The following AK4 variants were observed in gnomAD, a reference collection of about 807,000 sequenced individuals.
AK4 encodes the protein adenylate kinase 4.
In AK4, 13 loss-of-function variants were observed where a neutral mutation model predicts 24.6. The ratio of observed to expected loss-of-function variants is 0.53; its 90% CI spans 0.34 to 0.84. AK4 has a LOEUF of 0.84. Ranked by LOEUF, AK4 falls within the 40% of genes least tolerant of loss-of-function variation. The pLI, the probability that AK4 is intolerant of heterozygous loss-of-function variation, is 0.01. For missense variants in AK4, 192 were observed against 288.2 expected, an observed-to-expected ratio of 0.67 and a Z score of 2.42; for synonymous variants, 88 against 107.0, an observed-to-expected ratio of 0.82 and a Z score of 1.10.
At chr1:65,187,398 C>A (rs1651138358) in intron 1 of AK4, among the ~76,000 whole-genome samples, 1 of 145,530 alleles carries the variant, frequency 6.9e-6, no homozygotes. Flanking sequence ...AATCTACAGA[C>A]AGAAAGATTG....
chr1:65,157,844 A>G (rs543915015), intron 1 of AK4, among the ~76,000 whole-genome samples: 14 of 152,258 alleles, frequency 9.2e-5, no homozygotes, highest in Non-Finnish European at 2.1e-4. Context: ...CAGAAGAGGC[A>G]GCTAACCCAG....
chr1:65,176,074 G>A (rs1352937636), intron 1 of AK4, among the ~76,000 whole-genome samples: 3 of 152,122 alleles, frequency 2.0e-5, no homozygotes, highest in African/African-American at 7.2e-5. Context: ...GAAGGTTACT[G>A]TACTGTTTTA....
intron 2 of AK4, among the ~76,000 whole-genome samples, chr1:65,209,015 C>T (rs1248055826): frequency 6.6e-6 from 1 of 152,068 alleles, no homozygotes; most frequent in Non-Finnish European, 1.5e-5. Context: ...AAAAAAACAA[C>T]CTGTAGATGT....
chr1:65,149,419 G>T (rs988359308), intron 1 of AK4, among the ~76,000 whole-genome samples: 1 of 152,156 alleles, frequency 6.6e-6, no homozygotes, highest in African/African-American at 2.4e-5. Flanking sequence ...AAGAATTGGC[G>T]TTAAAAGGCG....
At chr1:65,197,354 A>C (rs1651504741) in intron 2 of AK4, among the ~76,000 whole-genome samples, 1 of 152,212 alleles carries the variant, frequency 6.6e-6, no homozygotes, top group Admixed American at 6.5e-5. Context: ...AACTATCAAA[A>C]TATTTTAAAC....
At chr1:65,218,651 A>G (rs1381018353) in intron 2 of AK4, 103 bp from the exon 3 acceptor site, 4 of 1,146,170 alleles carry the variant, frequency 3.5e-6, no homozygotes, top group Non-Finnish European at 4.7e-6. Context: ...AGCTCCTTTT[A>G]GAATGGTATA....
chr1:65,228,932 A>T lies in AK4; in HGVS notation c.*2755A>T, dbSNP rs1652552324. ...TTAATACCCTCCAACACTAACGCAG[A>T]CTTAAGATAGGTACTGTTTATTGAA... On this transcript the variant is annotated 3_prime_UTR_variant, in exon 5 of 5. Transcript: ENST00000327299. 6.6e-6 allele frequency: 1 copy of T among 152,184 alleles called. No homozygotes were observed. Among genetic ancestry groups the T allele is most frequent in the Admixed American group, 6.6e-5 (1 of 15,266 alleles). 9.4% of individuals were successfully genotyped at this position (152,184 alleles called of 1,614,324 possible). A position where few individuals can be genotyped will look rare whatever the true frequency, so the allele number is the denominator to read the frequency against.
At chr1:65,154,739 G>T (rs1057396904) in intron 1 of AK4, 2 of 265,832 alleles carry the variant, frequency 7.5e-6, no homozygotes, top group South Asian at 4.0e-5. Flanking sequence ...TTCAAACAAA[G>T]AACGCTCTTA....
chr1:65,182,073 G>A (rs1166142653), intron 1 of AK4, among the ~76,000 whole-genome samples: 4 of 152,002 alleles, frequency 2.6e-5, no homozygotes, highest in Non-Finnish European at 2.9e-5. Flanking sequence ...GTGCCACCAC[G>A]CCTGACTAAT....
At chr1:65,176,438 A>G (rs1650717696) in intron 1 of AK4, among the ~76,000 whole-genome samples, 2 of 152,258 alleles carry the variant, frequency 1.3e-5, no homozygotes, top group Admixed American at 6.5e-5. Flanking sequence ...TAGAAAGAAC[A>G]CTAAATGATG....
At chr1:65,150,460 CTT>C in intron 1 of AK4, among the ~76,000 whole-genome samples, 1 of 151,798 alleles carries the variant, frequency 6.6e-6, no homozygotes, top group South Asian at 2.1e-4. Context: ...AAAAAAAAAA[CTT>C]TATCAAAGAA....
intron 2 of AK4, among the ~76,000 whole-genome samples, chr1:65,192,251 A>G (rs1392963020): frequency 6.6e-6 from 1 of 152,224 alleles, no homozygotes; most frequent in Non-Finnish European, 1.5e-5. Flanking sequence ...TTCTTGCTGC[A>G]TCATCCCATG....
chr1:65,158,625 C>T (rs1027739738), intron 1 of AK4, among the ~76,000 whole-genome samples: 7 of 152,224 alleles, frequency 4.6e-5, no homozygotes, highest in Middle Eastern at 3.4e-3. Flanking sequence ...CTCAGCCTCC[C>T]GAGTAGCTGG....
intron 2 of AK4, among the ~76,000 whole-genome samples, chr1:65,204,239 C>T (rs1355245749): frequency 2.7e-5 from 4 of 148,828 alleles, no homozygotes; most frequent in South Asian, 2.1e-4. Context: ...CTCGCTGTGT[C>T]GCCCAGGCTG....
chr1:65,172,062 A>C lies in AK4; in HGVS notation c.146-18648A>C, dbSNP rs1242253234. 1.0e-4 allele frequency among the ~76,000 whole-genome samples: 3 copies of C among 29,912 alleles called. No individual in the cohort carries two copies. The Admixed American group carries it at 1.3e-3, about 13-fold the overall frequency. The allele number at this position is 29,912 out of a possible 152,430, so 19.6% of individuals were successfully genotyped here. On this transcript the variant is annotated intron_variant, in intron 1 of 4. Transcript: ENST00000327299. The stretch of plus-strand genomic sequence containing the variant: ...AGCAACAGAGAGAGACTCCATCTCA[A>C]GTATATATATATATATATATATATA...
Position 65,170,317 on chromosome 1 carries a change from G to A in AK4, c.146-20393G>A, listed in dbSNP as rs554082844. ...CGGGAGACGGAGCTTGCAGTGAGCCGAGATCGCGCCACTGCACCCCAGTCT... is the reference window on the plus strand; with the variant it reads ...CGGGAGACGGAGCTTGCAGTGAGCCAAGATCGCGCCACTGCACCCCAGTCT... On this transcript the variant is annotated intron_variant, in intron 1 of 4. Transcript: ENST00000327299. Among the ~76,000 whole-genome samples the A allele has an allele frequency of 1.6e-3, 247 of 152,256 alleles. No individual in the cohort carries two copies. In the Middle Eastern group the frequency reaches 0.017, roughly 10 times the overall value.
intron 2 of AK4, among the ~76,000 whole-genome samples, chr1:65,209,896 C>T (rs942603755): frequency 4.6e-5 from 7 of 152,110 alleles, no homozygotes; most frequent in African/African-American, 1.7e-4. Flanking sequence ...CAGCCTTGGC[C>T]TCCTGGACTC....
intron 1 of AK4, among the ~76,000 whole-genome samples, chr1:65,159,269 G>C (rs1049009683): frequency 6.6e-6 from 1 of 152,184 alleles, no homozygotes; most frequent in African/African-American, 2.4e-5. Flanking sequence ...ACTGACTAAT[G>C]AATGCAAATT....
chr1:65,169,519 A>G (rs1650441650), intron 1 of AK4, among the ~76,000 whole-genome samples: 1 of 152,202 alleles, frequency 6.6e-6, no homozygotes, highest in Admixed American at 6.5e-5. Context: ...GAGTAATGAT[A>G]GAGCTAACAC....
Sources: allele counts gnomAD v4.1 joint callset (sites outside exome capture counted in the v4.1 genomes callset), GRCh38; gene constraint gnomAD v4.1.1; transcripts MANE v1.5; gene names NCBI Gene and HGNC (gene_info 2026-07-23, HGNC 2026-07-21).